NEMF: variants seen among roughly 807,000 people sequenced by gnomAD.
NEMF encodes nuclear export mediator factor, also known as ribosome quality control complex subunit NEMF.
Under a neutral mutation model 162.2 loss-of-function variants are expected in NEMF, and 89 were observed. That is an observed-to-expected ratio of 0.55 (90% CI 0.46 to 0.65). The LOEUF is 0.65. Ranked by LOEUF, NEMF falls within the 30% of genes least tolerant of loss-of-function variation. The pLI, the probability that NEMF is intolerant of heterozygous loss-of-function variation, is 0.00. For synonymous variants in NEMF, 421 were observed against 404.5 expected (o/e 1.04, Z -0.49); for missense variants, 1,133 against 1,261.9 (o/e 0.90, Z 1.55).
intron 7 of NEMF, 36 bp from the exon 8 acceptor site, chr14:49,833,532 C>A: frequency 7.2e-7 from 1 of 1,391,418 alleles, no homozygotes; most frequent in Non-Finnish European, 1.0e-6. Context: ...AAAGGAGTGC[C>A]AATCAAGTGT....
Position 49,782,506 on chromosome 14 carries a change from T to C in NEMF, c.*2130A>G. 1 of 1,599,524 alleles carries C rather than the reference T, an allele frequency of 6.3e-7. No homozygotes were observed. Among genetic ancestry groups the C allele is most frequent in the Non-Finnish European group, 8.6e-7 (1 of 1,169,488 alleles). ...TTACTGAAACTTACTTGCAAAGCATTTGCTTTTAAATGTGTTCTTCCTATT... is the reference window on the plus strand; with the variant it reads ...TTACTGAAACTTACTTGCAAAGCATCTGCTTTTAAATGTGTTCTTCCTATT... On this transcript the variant is annotated 3_prime_UTR_variant, in exon 33 of 33. Coordinates refer to ENST00000298310, the MANE Select transcript of NEMF (RefSeq NM_004713.6).
chr14:49,796,442 C>A (rs1433476571), intron 25 of NEMF: 1 of 345,268 alleles, frequency 2.9e-6, no homozygotes, highest in Non-Finnish European at 5.7e-6. Flanking sequence ...TTACATCCCA[C>A]CCAGACTTCC....
In NEMF at chr14:49,782,954, G is replaced by A; in HGVS notation, c.*1682C>T. 1 of 1,611,090 alleles carries A rather than the reference G, an allele frequency of 6.2e-7. No homozygotes were observed. The highest frequency in any genetic ancestry group is 1.3e-5 in the African/African-American group (1 of 74,894). ...TAGTAACAACACTTCTGGATCTTAA[G>A]GCTTCATAAATAATGCCTATGATCA... On this transcript the variant is annotated 3_prime_UTR_variant, in exon 33 of 33. Transcript: ENST00000298310.
At chr14:49,840,900 T>G in intron 4 of NEMF, 34 bp from the exon 5 acceptor site, 4 of 1,590,336 alleles carry the variant, frequency 2.5e-6, no homozygotes, top group Non-Finnish European at 3.4e-6. Flanking sequence ...TAGCGCTCTT[T>G]CAAATAATTT....
intron 2 of NEMF, 36 bp from the exon 3 acceptor site, chr14:49,851,701 A>G: frequency 6.4e-7 from 1 of 1,560,526 alleles, no homozygotes. Flanking sequence ...TCTTTAGGGT[A>G]TATGCCAAAG....
Position 49,821,674 on chromosome 14 carries a change from G to A in NEMF, c.1577+4193C>T, listed in dbSNP as rs1158286339. ...CCCCGCCCGGCCAGCCGCCCCGTCC[G>A]GGAGGGAGGTGGGGGGCTCAGCCCC... On this transcript the variant is annotated intron_variant, in intron 16 of 32. Coordinates refer to ENST00000298310, the MANE Select transcript of NEMF (RefSeq NM_004713.6). Among the ~76,000 whole-genome samples the A allele has an allele frequency of 1.6e-3, 201 of 126,748 alleles. 4 individuals carry two copies. The highest frequency in any genetic ancestry group is 5.3e-3 in the African/African-American group (183 of 34,358). The allele number at this position is 126,748 out of a possible 152,430, so 83.2% of individuals were successfully genotyped here.
intron 26 of NEMF, among the ~76,000 whole-genome samples, chr14:49,794,900 G>A (rs1392363052): frequency 1.3e-5 from 2 of 151,914 alleles, no homozygotes; most frequent in Non-Finnish European, 2.9e-5. Context: ...TCTATATTTA[G>A]TAGAGATAGG....
At chr14:49,799,295 A>G (rs1034646867) in intron 25 of NEMF, among the ~76,000 whole-genome samples, 180 bp downstream of exon 25, 1 of 149,800 alleles carries the variant, frequency 6.7e-6, no homozygotes. Flanking sequence ...GTTATAGATT[A>G]GGGCCCTTAA....
intron 32 of NEMF, 101 bp downstream of exon 32, chr14:49,784,824 C>T: frequency 7.1e-7 from 1 of 1,400,496 alleles, no homozygotes; most frequent in Non-Finnish European, 1.0e-6. Context: ...GGTTTTACTG[C>T]TTCTAATAAG....
intron 28 of NEMF, among the ~76,000 whole-genome samples, chr14:49,788,311 C>T (rs966012135): frequency 1.5e-4 from 21 of 144,298 alleles, no homozygotes; most frequent in African/African-American, 5.4e-4. Flanking sequence ...AGAAGAGGTA[C>T]ATATTCATGT....
intron 14 of NEMF, 44 bp from the exon 15 acceptor site, chr14:49,828,398 T>C (rs1292486485): frequency 1.6e-6 from 2 of 1,250,910 alleles, no homozygotes; most frequent in Middle Eastern, 2.6e-4. Context: ...TAATATTTAT[T>C]CTTCAGTTTT....
At chr14:49,840,483 G>A (rs1420498230) in intron 5 of NEMF, among the ~76,000 whole-genome samples, 2 of 151,220 alleles carry the variant, frequency 1.3e-5, no homozygotes, top group Non-Finnish European at 2.9e-5. Flanking sequence ...AAACACCTAA[G>A]GACATACATT....
intron 29 of NEMF, chr14:49,786,055 C>T (rs1400434274): frequency 2.0e-5 from 3 of 152,550 alleles, no homozygotes; most frequent in African/African-American, 7.2e-5. Context: ...TGGGGAGATT[C>T]TGCCCTCAGA....
At chr14:49,804,933 G>C (rs1024535046) in intron 19 of NEMF, among the ~76,000 whole-genome samples, 13 of 150,912 alleles carry the variant, frequency 8.6e-5, no homozygotes, top group South Asian at 4.2e-4. Context: ...AGGAGGCAGA[G>C]GCAGGAGAAT....
chr14:49,783,973 A>G lies in NEMF; in HGVS notation c.*663T>C, dbSNP rs1890038763. 6.6e-6 allele frequency: 1 copy of G among 152,158 alleles called. No homozygotes were observed. The highest frequency in any genetic ancestry group is 1.5e-5 in the Non-Finnish European group (1 of 68,004). 9.4% of individuals were successfully genotyped at this position (152,158 alleles called of 1,614,324 possible). On this transcript the variant is annotated 3_prime_UTR_variant, in exon 33 of 33. Coordinates refer to ENST00000298310, the MANE Select transcript of NEMF (RefSeq NM_004713.6). ...CTGGCCTATAATATATATATATTAG[A>G]TGTTATATACAGTAGACTTACCAAG...
At chr14:49,796,012 C>T in intron 25 of NEMF, 68 bp from the exon 26 acceptor site, 1 of 1,270,926 alleles carries the variant, frequency 7.9e-7, no homozygotes, top group Non-Finnish European at 1.1e-6. Flanking sequence ...TAAAAAAGTT[C>T]CATGGGGAAG....
At chr14:49,827,793 A>G (rs1384003255) in intron 15 of NEMF, among the ~76,000 whole-genome samples, 1 of 151,992 alleles carries the variant, frequency 6.6e-6, no homozygotes, top group East Asian at 1.9e-4. Context: ...AGCCTGAGCA[A>G]TAAGAGTGAA....
intron 4 of NEMF, 26 bp from the exon 5 acceptor site, chr14:49,840,892 G>A: frequency 6.3e-7 from 1 of 1,599,412 alleles, no homozygotes; most frequent in Non-Finnish European, 8.5e-7. Context: ...ATACAATTTA[G>A]CGCTCTTTCA....
intron 15 of NEMF, among the ~76,000 whole-genome samples, chr14:49,827,388 T>C (rs1482976156): frequency 1.3e-5 from 2 of 151,260 alleles, no homozygotes; most frequent in African/African-American, 2.4e-5. Context: ...GGTTTCACCA[T>C]GTTGGCCAGG....
Sources: allele counts gnomAD v4.1 joint callset (sites outside exome capture counted in the v4.1 genomes callset), GRCh38; gene constraint gnomAD v4.1.1; transcripts MANE v1.5; gene names NCBI Gene and HGNC (gene_info 2026-07-23, HGNC 2026-07-21).